The following GPALPP1 variants were observed in gnomAD, a reference collection of about 807,000 sequenced individuals.
The protein encoded by GPALPP1 is GPALPP motifs containing 1.
Under a neutral mutation model 38.9 loss-of-function variants are expected in GPALPP1, and 30 were observed. That is an observed-to-expected ratio of 0.77 (90% confidence interval 0.58 to 1.05). The LOEUF is 1.05. GPALPP1 is among the 50% of genes least tolerant of loss of function. GPALPP1 has a pLI of 0.00. For synonymous variants in GPALPP1, 120 were observed against 139.2 expected, an observed-to-expected ratio of 0.86 and a Z score of 0.97; for missense variants, 384 against 408.8, an observed-to-expected ratio of 0.94 and a Z score of 0.52.
intron 1 of GPALPP1, chr13:45,002,523 G>A (rs577304323): frequency 6.6e-6 from 1 of 152,288 alleles, no homozygotes; most frequent in African/African-American, 2.4e-5. Flanking sequence ...AGCATTTATT[G>A]AGCACTTGCT....
At chr13:44,991,092 A>T (rs1390786423) in intron 1 of GPALPP1, among the ~76,000 whole-genome samples, 1 of 151,832 alleles carries the variant, frequency 6.6e-6, no homozygotes. Flanking sequence ...TGTCTCAATA[A>T]ATAAATAAAT....
intron 4 of GPALPP1, among the ~76,000 whole-genome samples, chr13:45,009,690 C>A (rs980568887): frequency 1.3e-5 from 2 of 152,204 alleles, no homozygotes; most frequent in Non-Finnish European, 2.9e-5. Flanking sequence ...AACAGTTACA[C>A]TGAGGTTGTT....
At chr13:45,034,258 G>GT (rs1197980867), downstream of GPALPP1, 1 of 152,188 alleles carries the variant, frequency 6.6e-6, no homozygotes, top group East Asian at 1.9e-4. Context: ...CCCTTATAGG[G>GT]TATTCACAGA....
rs768806794 is a variant in GPALPP1 at position 45,008,883 on chromosome 13, T to C, written c.408+4T>C. On this transcript the variant is annotated splice_donor_region_variant and intron_variant, in intron 4 of 7. Coordinates refer to ENST00000379151, the MANE Select transcript of GPALPP1 (RefSeq NM_018559.5). ...CAGAGATGATCCAGGACAACAGGTATCATCATCCCATTTCAACTCTAAGGT... is the reference window on the plus strand; with the variant it reads ...CAGAGATGATCCAGGACAACAGGTACCATCATCCCATTTCAACTCTAAGGT... 14 of 1,506,244 alleles carry C rather than the reference T, an allele frequency of 9.3e-6. No individual in the cohort carries two copies. The East Asian group carries it at 3.2e-4, about 34-fold the overall frequency. The allele number at this position is 1,506,244 out of a possible 1,614,324, so 93.3% of individuals were successfully genotyped here.
intron 1 of GPALPP1, among the ~76,000 whole-genome samples, chr13:44,999,750 T>G (rs1283404818): frequency 6.6e-6 from 1 of 152,118 alleles, no homozygotes; most frequent in Non-Finnish European, 1.5e-5. Context: ...CAGCTAATTT[T>G]GGTATTTTTA....
intron 6 of GPALPP1, among the ~76,000 whole-genome samples, chr13:45,019,909 G>A (rs1419473791): frequency 3.2e-5 from 3 of 94,322 alleles, no homozygotes; most frequent in South Asian, 3.6e-4. Flanking sequence ...TTTTGAGACC[G>A]AGTCTCACTC....
chr13:45,011,697 G>T (rs371239977), intron 4 of GPALPP1, among the ~76,000 whole-genome samples: 18 of 152,064 alleles, frequency 1.2e-4, no homozygotes, highest in African/African-American at 4.1e-4. Flanking sequence ...ATGAGATTTG[G>T]GTGGGGACAC....
Position 44,989,796 on chromosome 13 carries a change from G to T in GPALPP1, c.88+54G>T, listed in dbSNP as rs1362669067. On this transcript the variant is annotated intron_variant, in intron 1 of 7. Transcript: ENST00000379151. ...AGGCCCATCTACCCACTCCCTGGCC[G>T]GGCCCTGCTCGCTGAAGAAAGTCGG... The T allele has an allele frequency of 1.1e-5, 15 of 1,371,162 alleles. No individual in the cohort carries two copies. In the Admixed American group the frequency reaches 2.4e-4, roughly 22 times the overall value. The allele number at this position is 1,371,162 out of a possible 1,614,324, so 84.9% of individuals were successfully genotyped here.
intron 4 of GPALPP1, among the ~76,000 whole-genome samples, chr13:45,013,345 G>A (rs1277846194): frequency 6.6e-6 from 1 of 152,176 alleles, no homozygotes; most frequent in African/African-American, 2.4e-5. Context: ...GCAGCTGGCA[G>A]TGTCCAGACA....
At chr13:44,989,767 C>T (rs755430771) in intron 1 of GPALPP1, 25 bp downstream of exon 1, 1 of 1,556,780 alleles carries the variant, frequency 6.4e-7, no homozygotes, top group Non-Finnish European at 8.8e-7. Flanking sequence ...CTCCGCTGCC[C>T]ACCAGGCCCA....
At chr13:45,032,703 G>T (rs189209855), downstream of GPALPP1, among the ~76,000 whole-genome samples, 115 of 150,224 alleles carry the variant, frequency 7.7e-4, no homozygotes, top group African/African-American at 2.7e-3. Context: ...ACCGCGCCTG[G>T]CCTGAATGAT....
rs1874088343 is a variant in GPALPP1 at position 45,006,205 on chromosome 13, A to G, written c.225A>G (p.Lys75=). The G allele has an allele frequency of 1.3e-6, 2 of 1,594,816 alleles. No individual in the cohort carries two copies. Among genetic ancestry groups the G allele is most frequent in the Non-Finnish European group, 8.6e-7 (1 of 1,167,836 alleles). Residue 75 remains lysine, a synonymous_variant, in exon 3 of 8, where the codon AAA becomes AAG. Coordinates refer to ENST00000379151, the MANE Select transcript of GPALPP1 (RefSeq NM_018559.5). The stretch of plus-strand genomic sequence containing the variant: ...AGTTATACTACTATGTTTTCAGAAA[A>G]CAGAGGAAAAATCAGGATGATGACG... The part of the protein sequence containing the change: ...EEDDSGPTAR[K]QRKNQDDDDD...
chr13:45,009,162 A>T (rs1487195373), intron 4 of GPALPP1, among the ~76,000 whole-genome samples: 1 of 152,242 alleles, frequency 6.6e-6, no homozygotes, highest in Non-Finnish European at 1.5e-5. Flanking sequence ...AGGTGTTAGA[A>T]GGATGGAACA....
intron 4 of GPALPP1, among the ~76,000 whole-genome samples, chr13:45,012,815 G>T (rs912144072): frequency 1.3e-5 from 2 of 152,030 alleles, no homozygotes; most frequent in African/African-American, 4.8e-5. Context: ...CTCAAAGATG[G>T]GCTTTTCTTT....
intron 6 of GPALPP1, among the ~76,000 whole-genome samples, chr13:45,016,585 T>C (rs1341108266): frequency 1.3e-5 from 2 of 152,262 alleles, no homozygotes; most frequent in African/African-American, 4.8e-5. Context: ...TCCCCAGTAC[T>C]ACTCCTTCAA....
Position 45,004,418 on chromosome 13 carries a change from G to T in GPALPP1, c.202G>T (p.Asp68Tyr). ...EEGNQESEED[D>Y]SGPTARKQRK... The stretch of plus-strand genomic sequence containing the variant: ...AGGAAATCAAGAATCTGAAGAAGAT[G>T]ACAGTGGTCCAACTGCAAGGTCAGT... Residue 68 changes from aspartate to tyrosine, a missense_variant, in exon 2 of 8, where the codon GAC becomes TAC. Transcript: ENST00000379151. 1 of 1,610,314 alleles carries T rather than the reference G, an allele frequency of 6.2e-7. No individual in the cohort carries two copies. The highest frequency in any genetic ancestry group is 1.1e-5 in the South Asian group (1 of 90,910).
At chr13:45,020,053 A>C (rs925601532) in intron 6 of GPALPP1, among the ~76,000 whole-genome samples, 5 of 151,336 alleles carry the variant, frequency 3.3e-5, no homozygotes, top group Non-Finnish European at 7.4e-5. Context: ...CCCAGCTTTT[A>C]TATTTTTAGT....
intron 1 of GPALPP1, among the ~76,000 whole-genome samples, chr13:44,991,518 C>T (rs1025805489): frequency 6.6e-6 from 1 of 152,212 alleles, no homozygotes; most frequent in Non-Finnish European, 1.5e-5. Context: ...CAATATCTTA[C>T]ACGTAGTGTG....
intron 7 of GPALPP1, among the ~76,000 whole-genome samples, chr13:45,025,679 A>G (rs936426083): frequency 4.6e-5 from 7 of 152,098 alleles, no homozygotes; most frequent in Non-Finnish European, 8.8e-5. Context: ...CATTGTTACC[A>G]GTGTTGAAAG....
Sources: gnomAD v4.1 joint callset for allele counts (sites outside exome capture counted in the v4.1 genomes callset) on GRCh38, gnomAD v4.1.1 for gene constraint, MANE v1.5 for transcripts, NCBI Gene and HGNC (gene_info 2026-07-23, HGNC 2026-07-21) for gene names.